The following NAALADL2 variants were observed in gnomAD, a reference collection of about 807,000 sequenced individuals.
The protein encoded by NAALADL2 is inactive N-acetylated-alpha-linked acidic dipeptidase-like protein 2.
A neutral mutation model predicts 87.2 loss-of-function variants in NAALADL2; 76 were observed. The observed-to-expected ratio is 0.87, with a 90% CI of 0.72 to 1.05. The LOEUF is 1.05. Ranked by LOEUF, NAALADL2 falls within the 50% of genes least tolerant of loss-of-function variation. The pLI is 0.00. For missense variants in NAALADL2, 1,089 were observed against 945.8 expected (o/e 1.15, Z -1.99); for synonymous variants, 354 against 331.0 (o/e 1.07, Z -0.75).
At chr3:175,113,089 A>T (rs905745133) in intron 2 of NAALADL2, among the ~76,000 whole-genome samples, 2 of 151,658 alleles carry the variant, frequency 1.3e-5, no homozygotes, top group South Asian at 4.1e-4. Context: ...AATTTCATGG[A>T]AAGTTTTGGA....
Position 174,772,891 on chromosome 3 carries a change from C to G in NAALADL2, c.-9+35145C>G, listed in dbSNP as rs148898556. ...ATCAAACATTAGGATGTTGTGCACT[C>G]TAGAGAGTAATTCTAAAAGGTGTTA... is the stretch of plus-strand genomic sequence containing the variant. On this transcript the variant is annotated intron_variant, in intron 3 of 3. Transcript: ENST00000434257. Among the ~76,000 whole-genome samples the G allele has an allele frequency of 9.9e-4, 151 of 152,196 alleles. 1 individual carries two copies. The highest frequency in any genetic ancestry group is 3.5e-3 in the African/African-American group (144 of 41,538).
At chr3:175,722,454 T>G (rs1742365458) in intron 11 of NAALADL2, among the ~76,000 whole-genome samples, 1 of 152,122 alleles carries the variant, frequency 6.6e-6, no homozygotes, top group African/African-American at 2.4e-5. Context: ...CACTAAAGCA[T>G]GACACCAGGA....
At chr3:175,474,517 C>T (rs779091685) in intron 9 of NAALADL2, among the ~76,000 whole-genome samples, 2 of 152,152 alleles carry the variant, frequency 1.3e-5, no homozygotes, top group Non-Finnish European at 2.9e-5. Flanking sequence ...TCTTATCGCT[C>T]AAGTCACAAT....
chr3:174,867,599 G>A lies in NAALADL2; in HGVS notation c.43+8149G>A, dbSNP rs1474157040. The stretch of plus-strand genomic sequence containing the variant: ...TACTATGTTTTCTCAAGTTTAATAT[G>A]CTCAGAAAAAAAGCATAAAATGCAC... On this transcript the variant is annotated intron_variant, in intron 1 of 13. Transcript: ENST00000454872. 2.0e-5 allele frequency among the ~76,000 whole-genome samples: 3 copies of A among 151,898 alleles called. No individual in the cohort carries two copies. The East Asian group carries it at 5.8e-4, about 29-fold the overall frequency.
At chr3:175,388,316 T>C (rs566877202) in intron 5 of NAALADL2, among the ~76,000 whole-genome samples, 56 of 152,132 alleles carry the variant, frequency 3.7e-4, no homozygotes, top group Non-Finnish European at 6.0e-4. Flanking sequence ...TAAAAACTTA[T>C]ATAGAGTCTC....
chr3:174,904,201 C>G (rs1732694522), intron 1 of NAALADL2, among the ~76,000 whole-genome samples: 2 of 151,644 alleles, frequency 1.3e-5, no homozygotes, highest in African/African-American at 4.8e-5. Context: ...TCTTACTCAT[C>G]TTAGTGTTGC....
intron 10 of NAALADL2, among the ~76,000 whole-genome samples, chr3:175,605,644 T>TTTTTTTTTTTTTTG (rs1723612029): frequency 7.5e-6 from 1 of 133,012 alleles, no homozygotes; most frequent in Non-Finnish European, 1.6e-5. Context: ...TTGCTTGTTT[T>TTTTTTTTTTTTTTG]TTTTTTTTTT....
intron 2 of NAALADL2, among the ~76,000 whole-genome samples, chr3:175,142,173 G>T (rs1232247730): frequency 1.3e-5 from 2 of 151,944 alleles, no homozygotes; most frequent in Non-Finnish European, 2.9e-5. Flanking sequence ...TACGATTCTT[G>T]TCCTCATTGA....
At chr3:175,529,856 A>G (rs1658215272) in intron 9 of NAALADL2, among the ~76,000 whole-genome samples, 1 of 152,212 alleles carries the variant, frequency 6.6e-6, no homozygotes. Context: ...TGGATAGGAT[A>G]TCCAGAGTAA....
chr3:175,311,746 C>T (rs1411559569), intron 4 of NAALADL2, among the ~76,000 whole-genome samples: 1 of 151,032 alleles, frequency 6.6e-6, no homozygotes, highest in East Asian at 2.0e-4. Context: ...TCCCTCCCTT[C>T]TTCCTTCCTG....
chr3:174,971,720 C>T (rs1030052368), intron 1 of NAALADL2, among the ~76,000 whole-genome samples: 9 of 146,860 alleles, frequency 6.1e-5, no homozygotes, highest in African/African-American at 1.5e-4. Flanking sequence ...GTTTTTGAGA[C>T]GGAGTCTCGC....
intron 2 of NAALADL2, among the ~76,000 whole-genome samples, chr3:175,132,118 G>T (rs1238288340): frequency 7.8e-6 from 1 of 128,956 alleles, no homozygotes; most frequent in Admixed American, 7.3e-5. Flanking sequence ...CGGATGGGGC[G>T]GCTGGCCGGG....
intron 10 of NAALADL2, among the ~76,000 whole-genome samples, chr3:175,599,950 T>C (rs971140099): frequency 6.6e-6 from 1 of 152,082 alleles, no homozygotes; most frequent in Non-Finnish European, 1.5e-5. Flanking sequence ...ATCAGCTGTG[T>C]GAGAGCAGGA....
At chr3:174,699,916 A>C (rs1054607034) in intron 2 of NAALADL2, among the ~76,000 whole-genome samples, 12 of 141,864 alleles carry the variant, frequency 8.5e-5, no homozygotes, top group African/African-American at 3.2e-4. Context: ...AGGGAAACTT[A>C]TTCCCCTTTT....
intron 10 of NAALADL2, among the ~76,000 whole-genome samples, chr3:175,602,027 C>T (rs1234814888): frequency 6.6e-6 from 1 of 152,078 alleles, no homozygotes; most frequent in Non-Finnish European, 1.5e-5. Context: ...GGTATTAATA[C>T]ATATACTTTT....
At chr3:175,422,062 C>A (rs1715799295) in intron 5 of NAALADL2, among the ~76,000 whole-genome samples, 1 of 151,984 alleles carries the variant, frequency 6.6e-6, no homozygotes, top group Non-Finnish European at 1.5e-5. Flanking sequence ...TATTGAGGAG[C>A]CTGGATTTTA....
At chr3:175,445,149 T>C (rs2149215836) in intron 5 of NAALADL2, among the ~76,000 whole-genome samples, 1 of 152,318 alleles carries the variant, frequency 6.6e-6, no homozygotes, top group Non-Finnish European at 1.5e-5. Context: ...TTCTGTTGGG[T>C]ATTTCCTTTT....
At chr3:175,493,108 CAT>C (rs1208191205) in intron 9 of NAALADL2, among the ~76,000 whole-genome samples, 5 of 151,894 alleles carry the variant, frequency 3.3e-5, no homozygotes, top group Non-Finnish European at 7.4e-5. Context: ...CGTATACACA[CAT>C]ATAAATGTTG....
rs376824761 is a variant in NAALADL2 at position 175,467,048 on chromosome 3, G to T, written c.1397G>T (p.Ser466Ile). The T allele has an allele frequency of 1.2e-6, 2 of 1,613,848 alleles. No individual in the cohort carries two copies. The highest frequency in any genetic ancestry group is 1.3e-5 in the African/African-American group (1 of 75,040). The change falls in exon 8 of 14, where the codon AGT becomes ATT. Residue 466 changes from serine (S) to isoleucine (I), a missense_variant. Physicochemically the swap from Ser to Ile is moderately radical, Grantham distance 142. Transcript: ENST00000454872. ...HSYNGQEWASSTAIITAFIRA... is the reference protein window; with the variant it reads ...HSYNGQEWASITAIITAFIRA... ...TATAATGGACAAGAATGGGCCAGTA[G>T]TACTGCAATAATCACAGCGTTTATC...
Sources: gnomAD v4.1 joint callset for allele counts (sites outside exome capture counted in the v4.1 genomes callset) on GRCh38, gnomAD v4.1.1 for gene constraint, MANE v1.5 for transcripts, NCBI Gene and HGNC (gene_info 2026-07-23, HGNC 2026-07-21) for gene names.